ROBO1: variants seen among roughly 807,000 people sequenced by gnomAD.
The protein encoded by ROBO1 is roundabout guidance receptor 1.
A neutral mutation model predicts 195.9 loss-of-function variants in ROBO1; 149 were observed. The observed-to-expected ratio is 0.76, with a 90% CI of 0.67 to 0.87. The LOEUF is 0.87. ROBO1 is among the 40% of genes least tolerant of loss of function. The pLI is 0.00. For synonymous variants in ROBO1, 816 were observed against 733.2 expected, an observed-to-expected ratio of 1.11 and a Z score of -1.82; for missense variants, 1,933 against 2,068.3, an observed-to-expected ratio of 0.93 and a Z score of 1.27.
chr3:79,657,570 T>G (rs1946205387), intron 1 of ROBO1, among the ~76,000 whole-genome samples: 1 of 152,050 alleles, frequency 6.6e-6, no homozygotes, highest in Non-Finnish European at 1.5e-5. Flanking sequence ...ATTATGCAAA[T>G]GACTACAGAT....
At chr3:78,645,999 C>G (rs1706258804) in intron 21 of ROBO1, 149 bp downstream of exon 21, 1 of 660,752 alleles carries the variant, frequency 1.5e-6, no homozygotes, top group South Asian at 2.1e-5. Flanking sequence ...CTTGTTTCAA[C>G]AGCATAGCTG....
At chr3:78,931,203 AC>A (rs1478987573) in intron 4 of ROBO1, among the ~76,000 whole-genome samples, 1 of 143,828 alleles carries the variant, frequency 7.0e-6, no homozygotes, top group Non-Finnish European at 1.5e-5. Flanking sequence ...TCAATTTCTG[AC>A]TTTTAAAAAC....
intron 2 of ROBO1, among the ~76,000 whole-genome samples, chr3:79,492,139 C>A (rs28441979): frequency 0.36 from 55,247 of 151,888 alleles, 10,322 homozygotes; most frequent in African/African-American, 0.44. Context: ...CAAAAGAGGC[C>A]GTAGGTCAGG....
chr3:79,434,868 G>A (rs1559896846), intron 2 of ROBO1, among the ~76,000 whole-genome samples: 2 of 152,148 alleles, frequency 1.3e-5, no homozygotes, highest in South Asian at 2.1e-4. Context: ...ATACACCATG[G>A]AATACTATGT....
chr3:78,727,350 G>C (rs1273043453), intron 5 of ROBO1, among the ~76,000 whole-genome samples: 1 of 152,164 alleles, frequency 6.6e-6, no homozygotes, highest in East Asian at 1.9e-4. Context: ...ATCTCGGCCG[G>C]GCGCGGTGGC....
intron 2 of ROBO1, among the ~76,000 whole-genome samples, chr3:79,295,355 A>G (rs1350652332): frequency 6.6e-6 from 1 of 152,150 alleles, no homozygotes; most frequent in African/African-American, 2.4e-5. Flanking sequence ...AGGAACATAA[A>G]ACCAAACACT....
chr3:78,682,579 TAC>T (rs1043737507), intron 10 of ROBO1, among the ~76,000 whole-genome samples: 25 of 147,848 alleles, frequency 1.7e-4, no homozygotes, highest in South Asian at 4.2e-4. Context: ...TACACATATA[TAC>T]AGAGTCATGT....
chr3:78,705,470 T>C (rs2081527506), intron 8 of ROBO1, among the ~76,000 whole-genome samples: 1 of 152,222 alleles, frequency 6.6e-6, no homozygotes, highest in Non-Finnish European at 1.5e-5. Flanking sequence ...TCAGAGAAGT[T>C]AGGCAATTTG....
At chr3:79,475,702 G>T (rs529603455) in intron 2 of ROBO1, among the ~76,000 whole-genome samples, 72 of 152,106 alleles carry the variant, frequency 4.7e-4, no homozygotes, top group African/African-American at 1.6e-3. Flanking sequence ...TACAGAAAAT[G>T]CCCTTTATTG....
intron 1 of ROBO1, among the ~76,000 whole-genome samples, chr3:79,703,134 G>T (rs983969534): frequency 2.6e-5 from 4 of 151,906 alleles, no homozygotes; most frequent in Non-Finnish European, 5.9e-5. Context: ...CTAAATAGTT[G>T]TGCCCTATTA....
At chr3:79,011,414 A>T (rs116186884) in intron 3 of ROBO1, among the ~76,000 whole-genome samples, 4 of 152,268 alleles carry the variant, frequency 2.6e-5, no homozygotes, top group Non-Finnish European at 2.9e-5. Flanking sequence ...TAAGTTGGAG[A>T]TCAAATTATG....
rs1366907340 is a variant in ROBO1, at chr3:78,711,436, TTTCTTTCCTTCCTTCCTTCC to T, written c.1045+2941_1045+2960del. 1.9e-3 allele frequency among the ~76,000 whole-genome samples: 150 copies of T among 77,314 alleles called. 10 individuals carry two copies. The highest frequency in any genetic ancestry group is 6.4e-3 in the African/African-American group (141 of 22,028). 50.7% of individuals were successfully genotyped at this position (77,314 alleles called of 152,430 possible). A position where few individuals can be genotyped will look rare whatever the true frequency, so the allele number is the denominator to read the frequency against. On this transcript the variant is annotated intron_variant, in intron 8 of 30. Coordinates refer to ENST00000464233, the MANE Select transcript of ROBO1 (RefSeq NM_002941.4). ...CTTTCTTTCTTTCTTTCTTTCTTTC[TTTCTTTCCTTCCTTCCTTCC>T]TTCCTTCCTTTTCTCTCTTTCTCTC...
intron 2 of ROBO1, among the ~76,000 whole-genome samples, chr3:79,428,143 A>G (rs1367678772): frequency 2.0e-5 from 3 of 152,162 alleles, no homozygotes; most frequent in Non-Finnish European, 4.4e-5. Context: ...TGGGCAAAAT[A>G]TCTAAATAGC....
chr3:79,097,984 C>G (rs187729616), intron 3 of ROBO1, among the ~76,000 whole-genome samples: 63 of 151,734 alleles, frequency 4.2e-4, no homozygotes, highest in Admixed American at 1.4e-3. Context: ...TGTACACTAT[C>G]CAGAAAGCAG....
intron 2 of ROBO1, among the ~76,000 whole-genome samples, chr3:79,324,345 C>CATAGAG (rs775602965): frequency 2.0e-5 from 3 of 152,072 alleles, no homozygotes; most frequent in Non-Finnish European, 4.4e-5. Context: ...TTTCTGGTCT[C>CATAGAG]ATAGAGATAT....
chr3:79,475,140 G>A (rs529338431), intron 2 of ROBO1, among the ~76,000 whole-genome samples: 2 of 150,428 alleles, frequency 1.3e-5, no homozygotes, highest in Admixed American at 1.3e-4. Context: ...TAACTCAATT[G>A]CTTTTTTTTT....
Position 78,668,290 on chromosome 3 carries a change from G to A in ROBO1, c.1643C>T (p.Pro548Leu). Residue 548 changes from proline (P) to leucine (L), a missense_variant, in exon 13 of 31, where the codon CCA (proline) becomes CTA (leucine). Around this residue, in one of 3 missense-constraint regions of ROBO1, gnomAD observed 1,737 missense variants for 1,882.5 expected, o/e 0.92. Coordinates refer to ENST00000464233, the MANE Select transcript of ROBO1 (RefSeq NM_002941.4). ...GTCAGTAGGTCTTGGAGGCTGAACT[G>A]GAACTCCAAATTCTAAAAAGCAGGA... ...AYIEVQEFGV[P>L]VQPPRPTDPN... 6.2e-7 allele frequency: 1 copy of A among 1,612,438 alleles called. No individual in the cohort carries two copies.
intron 3 of ROBO1, among the ~76,000 whole-genome samples, chr3:79,121,949 G>C (rs1179315809): frequency 1.3e-5 from 2 of 151,738 alleles, no homozygotes; most frequent in Non-Finnish European, 2.9e-5. Context: ...TTGTGTCCTT[G>C]TCTAAAGTTT....
In ROBO1 at chr3:78,950,245, A is replaced by G. The variant is rs1239620968; in HGVS notation, c.173-11318T>C. Among the ~76,000 whole-genome samples, 9 of 152,196 alleles carry G rather than the reference A, an allele frequency of 5.9e-5. No individual in the cohort carries two copies. In the East Asian group the frequency reaches 1.7e-3, roughly 29 times the overall value. ...ACAGCAGCACTATTCACAATAGCAA[A>G]GACTTGGAACCAACCTAAATGTCCA... On this transcript the variant is annotated intron_variant, in intron 3 of 30. Coordinates refer to ENST00000464233, the MANE Select transcript of ROBO1 (RefSeq NM_002941.4).
Sources: gnomAD v4.1 joint callset for allele counts (sites outside exome capture counted in the v4.1 genomes callset) on GRCh38, gnomAD v4.1.1 for gene constraint, gnomAD v4.1.1 regional missense constraint, MANE v1.5 for transcripts, NCBI Gene and HGNC (gene_info 2026-07-23, HGNC 2026-07-21) for gene names.